Variants in HRH1 observed in about 807,000 individuals in gnomAD.
HRH1 encodes histamine receptor H1, also known as histamine H1 receptor.
In HRH1, 6 loss-of-function variants were observed where a neutral mutation model predicts 10.3. That is an observed-to-expected ratio of 0.58 (90% CI 0.32 to 1.15). HRH1 has a LOEUF of 1.15. HRH1 is among the 50% of genes most tolerant of loss of function. The probability of loss-of-function intolerance (pLI) is 0.05; values close to 1 mark genes in which losing one functional copy is unlikely to be tolerated. For synonymous variants in HRH1, 242 were observed against 236.7 expected, an observed-to-expected ratio of 1.02 and a Z score of -0.21; for missense variants, 514 against 615.3, an observed-to-expected ratio of 0.84 and a Z score of 1.74.
intron 1 of HRH1, among the ~76,000 whole-genome samples, chr3:11,159,236 A>G (rs1372089901): frequency 6.6e-6 from 1 of 152,170 alleles, no homozygotes; most frequent in East Asian, 1.9e-4. Context: ...TGACAGAGTG[A>G]GACTCTGTCT....
upstream of HRH1, among the ~76,000 whole-genome samples, chr3:11,153,599 A>G (rs1017545738): frequency 3.3e-5 from 5 of 151,292 alleles, no homozygotes; most frequent in South Asian, 2.1e-4. Context: ...ATCTGAAACC[A>G]TAACTGTTCA....
intron 1 of HRH1, among the ~76,000 whole-genome samples, chr3:11,143,520 G>A (rs1936336617): frequency 6.6e-6 from 1 of 152,158 alleles, no homozygotes. Flanking sequence ...AATTCCCCAC[G>A]AAGTTTTCCC....
At chr3:11,164,393 TC>T (rs780403300) in intron 1 of HRH1, among the ~76,000 whole-genome samples, 23 of 152,024 alleles carry the variant, frequency 1.5e-4, no homozygotes, top group Non-Finnish European at 1.5e-4. Context: ...TAAATCCTTA[TC>T]CCCCAGGCTG....
chr3:11,141,031 G>C (rs1252501443), intron 1 of HRH1, among the ~76,000 whole-genome samples: 1 of 152,120 alleles, frequency 6.6e-6, no homozygotes, highest in East Asian at 1.9e-4. Context: ...GTCATCCCAA[G>C]CTATGAGGCC....
intron 1 of HRH1, among the ~76,000 whole-genome samples, chr3:11,180,854 G>A (rs1314128245): frequency 6.6e-6 from 1 of 151,866 alleles, no homozygotes; most frequent in Non-Finnish European, 1.5e-5. Context: ...TTATTCATCA[G>A]TTGACAGATA....
intron 1 of HRH1, among the ~76,000 whole-genome samples, chr3:11,160,298 C>T (rs1243951018): frequency 3.9e-5 from 6 of 152,182 alleles, no homozygotes; most frequent in Admixed American, 3.9e-4. Flanking sequence ...GCAATTTTCT[C>T]GGCTGGAATC....
At chr3:11,202,404 C>CAATAAATAAATACATA (rs1553573784) in intron 1 of HRH1, among the ~76,000 whole-genome samples, 2 of 140,576 alleles carry the variant, frequency 1.4e-5, no homozygotes, top group Admixed American at 1.4e-4. Context: ...GACTCCATCT[C>CAATAAATAAATACATA]AATAAATAAA....
chr3:11,156,764 A>G (rs916386585), intron 1 of HRH1, among the ~76,000 whole-genome samples: 1 of 152,198 alleles, frequency 6.6e-6, no homozygotes, highest in African/African-American at 2.4e-5. Flanking sequence ...AAGTGTTAAG[A>G]GTCCATTGTT....
At chr3:11,257,793 A>G (rs1008392450) in intron 1 of HRH1, among the ~76,000 whole-genome samples, 3 of 152,154 alleles carry the variant, frequency 2.0e-5, no homozygotes, top group African/African-American at 7.2e-5. Flanking sequence ...AGCTAGGACT[A>G]TAGGTGTATT....
At chr3:11,137,964 A>G (rs1285572028) in intron 1 of HRH1, among the ~76,000 whole-genome samples, 1 of 151,996 alleles carries the variant, frequency 6.6e-6, no homozygotes, top group Non-Finnish European at 1.5e-5. Flanking sequence ...GGGAGAAAAT[A>G]TTTGCAACTC....
intron 1 of HRH1, among the ~76,000 whole-genome samples, chr3:11,159,269 A>T (rs1022611705): frequency 6.6e-6 from 1 of 152,154 alleles, no homozygotes; most frequent in African/African-American, 2.4e-5. Flanking sequence ...ACAAAAAGAC[A>T]GTGGACATCT....
rs1371129123 is a variant in HRH1, at chr3:11,202,781, A to G, written c.-36+48227A>G. Among the ~76,000 whole-genome samples, 6 of 152,164 alleles carry G rather than the reference A, an allele frequency of 3.9e-5. No individual in the cohort carries two copies. The East Asian group carries it at 7.7e-4, about 20-fold the overall frequency. On this transcript the variant is annotated intron_variant, in intron 1 of 1. Coordinates refer to ENST00000431010, the MANE Select transcript of HRH1 (RefSeq NM_001098212.2). ...ACACATCATTGTCACCCAGAGCCAC[A>G]GTTTCCATGAGGGCTCCCTCTTGAT...
chr3:11,150,219 C>T (rs1369503803), upstream of HRH1, among the ~76,000 whole-genome samples: 1 of 152,250 alleles, frequency 6.6e-6, no homozygotes, highest in Non-Finnish European at 1.5e-5. Flanking sequence ...GTGGAAACCA[C>T]AGCTCTGGAG....
At chr3:11,222,703 G>C (rs1938746341) in intron 1 of HRH1, among the ~76,000 whole-genome samples, 1 of 152,048 alleles carries the variant, frequency 6.6e-6, no homozygotes, top group South Asian at 2.1e-4. Flanking sequence ...TAGTAAGGCA[G>C]AACTAGTGGC....
At position 11,262,299 on chromosome 3, in the gene HRH1, A is replaced by G. The variant is rs560990025; in HGVS notation, c.*1798A>G. On this transcript the variant is annotated 3_prime_UTR_variant, in exon 2 of 2. Transcript: ENST00000431010. ...AATATGATGTTTAAAAGCATACTCT[A>G]TGTGATTTATTTATTTCTACCTTTC... 3 of 167,152 alleles carry G rather than the reference A, an allele frequency of 1.8e-5. No individual in the cohort carries two copies. Among genetic ancestry groups the G allele is most frequent in the Middle Eastern group, 3.4e-3 (1 of 296 alleles). The allele number at this position is 167,152 out of a possible 1,614,324, so 10.4% of individuals were successfully genotyped here.
chr3:11,238,696 C>T (rs147081087), intron 1 of HRH1, among the ~76,000 whole-genome samples: 9 of 152,172 alleles, frequency 5.9e-5, no homozygotes, highest in Non-Finnish European at 2.9e-5. Flanking sequence ...TCCTGTCCCC[C>T]CCTCCACTAC....
chr3:11,140,324 A>T (rs1029952861), intron 1 of HRH1, among the ~76,000 whole-genome samples: 1 of 152,170 alleles, frequency 6.6e-6, no homozygotes, highest in African/African-American at 2.4e-5. Flanking sequence ...CAAGAAGCAA[A>T]ATAAGCGCCT....
At chr3:11,174,736 G>A (rs1219145060) in intron 1 of HRH1, among the ~76,000 whole-genome samples, 2 of 152,188 alleles carry the variant, frequency 1.3e-5, no homozygotes, top group Non-Finnish European at 2.9e-5. Context: ...AAGGCTGGGG[G>A]TGCCCCTCGT....
chr3:11,260,037 G>A lies in HRH1; in HGVS notation c.1000G>A (p.Asp334Asn), dbSNP rs748268457. Residue 334 changes from aspartate to asparagine, a missense_variant, in exon 2 of 2, where the codon GAT becomes AAT. Coordinates refer to ENST00000431010, the MANE Select transcript of HRH1 (RefSeq NM_001098212.2). ...VNRSHGQLKT[D>N]EQGLNTHGAS... ...CCGGAGCCATGGCCAGCTCAAGACA[G>A]ATGAGCAGGGCCTGAACACACATGG... 28 of 1,614,088 alleles carry A rather than the reference G, an allele frequency of 1.7e-5. 1 individual carries two copies. The Admixed American group carries it at 4.7e-4, about 27-fold the overall frequency.
Sources: gnomAD v4.1 joint callset for allele counts (sites outside exome capture counted in the v4.1 genomes callset) on GRCh38, gnomAD v4.1.1 for gene constraint, MANE v1.5 for transcripts, NCBI Gene and HGNC (gene_info 2026-07-23, HGNC 2026-07-21) for gene names.